DOCK8: variants seen among roughly 807,000 people sequenced by gnomAD.
The protein encoded by DOCK8 is dedicator of cytokinesis protein 8.
In DOCK8, 141 loss-of-function variants were observed where a neutral mutation model predicts 245.6. That is an observed-to-expected ratio of 0.57 (90% CI 0.50 to 0.66). DOCK8 has a LOEUF of 0.66. Among genes scored for constraint, DOCK8 ranks in the 30% least tolerant of loss-of-function variants. The pLI is 0.00. For missense variants in DOCK8, 2,965 were observed against 2,603.4 expected, an observed-to-expected ratio of 1.14 and a Z score of -3.02; for synonymous variants, 1,168 against 970.2, an observed-to-expected ratio of 1.20 and a Z score of -3.79.
intron 28 of DOCK8, among the ~76,000 whole-genome samples, chr9:407,312 A>G (rs529568351): frequency 6.6e-6 from 1 of 152,276 alleles, no homozygotes; most frequent in African/African-American, 2.4e-5. Context: ...TTGGTCAACT[A>G]TTTCAGTGGA....
intron 1 of DOCK8, among the ~76,000 whole-genome samples, chr9:236,245 G>A (rs1261250978): frequency 6.6e-6 from 1 of 152,108 alleles, no homozygotes. Context: ...ATTGGAGACA[G>A]GAAGAAGAAA....
chr9:301,024 G>T (rs972524418), intron 4 of DOCK8, among the ~76,000 whole-genome samples: 4 of 152,124 alleles, frequency 2.6e-5, no homozygotes, highest in African/African-American at 9.7e-5. Context: ...ACCAAAACCT[G>T]GGAGAGACAC....
rs1460892561 is a variant in DOCK8 at position 334,313 on chromosome 9, C to A, written c.1214C>A (p.Pro405His). 3.1e-6 allele frequency: 5 copies of A among 1,614,172 alleles called. No individual in the cohort carries two copies. Among genetic ancestry groups the A allele is most frequent in the South Asian group, 1.1e-5 (1 of 91,080 alleles). The change falls in exon 11 of 48, where the codon CCC becomes CAC. Residue 405 changes from proline (P) to histidine (H), a missense_variant. Around this residue, in one of 3 missense-constraint regions of DOCK8, gnomAD observed 2,825 missense variants for 2,453.5 expected, o/e 1.15. Transcript: ENST00000432829. ...TACCGGATGCCCTTTGCCTGGGCAC[C>A]CATAAGCTTATCAAGCTTCTTCAAT... ...GKYRMPFAWA[P>H]ISLSSFFNVS...
rs1421189061 is a variant in DOCK8, at chr9:439,358, C to A, written c.5193C>A (p.Leu1731=). 3 of 1,613,864 alleles carry A rather than the reference C, an allele frequency of 1.9e-6. No homozygotes were observed. In the African/African-American group the frequency reaches 4.0e-5, roughly 22 times the overall value. ...QYFTESGLVG[L]LEQAAELFST... ...TCACCGAGAGTGGCCTGGTAGGCCT[C>A]CTGGAGCAGGCCGCGGAGCTCTTCA... The change falls in exon 40 of 48, where the codon CTC becomes CTA. Residue 1731 remains leucine, a synonymous_variant. Coordinates refer to ENST00000432829, the MANE Select transcript of DOCK8 (RefSeq NM_203447.4).
At chr9:448,295 C>T (rs1027878862) in intron 44 of DOCK8, among the ~76,000 whole-genome samples, 3 of 152,116 alleles carry the variant, frequency 2.0e-5, no homozygotes, top group East Asian at 1.9e-4. Flanking sequence ...TTGTAAGAGA[C>T]AGGGGTCTTA....
Position 360,841 on chromosome 9 carries a change from C to T in DOCK8, c.1680-7177C>T, listed in dbSNP as rs146861699. On this transcript the variant is annotated intron_variant, in intron 14 of 47. Transcript: ENST00000432829. ...AATGGATTTTAGTCACTAAATGGAGCGGGAGGAATGGAGTGCTCCCTCAAA... is the reference window on the plus strand; with the variant it reads ...AATGGATTTTAGTCACTAAATGGAGTGGGAGGAATGGAGTGCTCCCTCAAA... 5.1e-3 allele frequency among the ~76,000 whole-genome samples: 781 copies of T among 152,080 alleles called. 11 individuals carry two copies. The highest frequency in any genetic ancestry group is 0.017 in the African/African-American group (697 of 41,470).
At chr9:277,786 A>G (rs926545803) in intron 2 of DOCK8, among the ~76,000 whole-genome samples, 3 of 152,216 alleles carry the variant, frequency 2.0e-5, no homozygotes, top group Non-Finnish European at 4.4e-5. Flanking sequence ...CATCCTGGAT[A>G]TGTACCAAAC....
At position 382,497 on chromosome 9, in the gene DOCK8, G is replaced by A; in HGVS notation, c.2606-16G>A. 5 of 1,613,272 alleles carry A rather than the reference G, an allele frequency of 3.1e-6. No homozygotes were observed. The highest frequency in any genetic ancestry group is 1.1e-5 in the South Asian group (1 of 91,042). ...TTCCCCTGTCTGTTGACATGTCTCTGCCTGGTGGGGTGCAGGCGCTCCCAC... is the reference window on the plus strand; with the variant it reads ...TTCCCCTGTCTGTTGACATGTCTCTACCTGGTGGGGTGCAGGCGCTCCCAC... On this transcript the variant is annotated splice_polypyrimidine_tract_variant and intron_variant, in intron 21 of 47. Coordinates refer to ENST00000432829, the MANE Select transcript of DOCK8 (RefSeq NM_203447.4).
At chr9:235,359 G>A (rs1176060115) in intron 1 of DOCK8, among the ~76,000 whole-genome samples, 1 of 152,208 alleles carries the variant, frequency 6.6e-6, no homozygotes. Flanking sequence ...CCCACTTGAG[G>A]AGGCAGTCTG....
chr9:426,025 A>C (rs2056486373), intron 33 of DOCK8, among the ~76,000 whole-genome samples: 4 of 152,290 alleles, frequency 2.6e-5, no homozygotes, highest in Admixed American at 2.0e-4. Flanking sequence ...ATGATACCCC[A>C]ACCCCATGGT....
At chr9:292,069 C>CAAAAA (rs139396600) in intron 4 of DOCK8, among the ~76,000 whole-genome samples, 1,326 of 52,470 alleles carry the variant, frequency 0.025, 126 homozygotes, top group African/African-American at 0.044. Flanking sequence ...GACCCTATCT[C>CAAAAA]AAAAAAAAAA....
chr9:239,804 A>T (rs373857348), intron 1 of DOCK8, among the ~76,000 whole-genome samples: 1 of 152,350 alleles, frequency 6.6e-6, no homozygotes, highest in Non-Finnish European at 1.5e-5. Context: ...TATATATTGT[A>T]TCATAACCTG....
Position 356,548 on chromosome 9 carries a change from A to C in DOCK8, c.1680-11470A>C, listed in dbSNP as rs191829853. 4.9e-3 allele frequency among the ~76,000 whole-genome samples: 742 copies of C among 151,188 alleles called. 5 individuals carry two copies. The highest frequency in any genetic ancestry group is 7.8e-3 in the Non-Finnish European group (529 of 67,862). On this transcript the variant is annotated intron_variant, in intron 14 of 47. Transcript: ENST00000432829. ...CTGTCTCAAAAAAAAAAAAAAAAGA[A>C]AAAATTTGGTTTGGGTCCCTTCCCA...
intron 1 of DOCK8, among the ~76,000 whole-genome samples, chr9:221,754 G>A (rs1403226696): frequency 6.6e-6 from 1 of 151,552 alleles, no homozygotes; most frequent in African/African-American, 2.4e-5. Flanking sequence ...CCTGGGAGGC[G>A]GAAGTTGCAG....
At chr9:280,996 G>A (rs990435410) in intron 2 of DOCK8, 5 of 152,340 alleles carry the variant, frequency 3.3e-5, no homozygotes, top group Non-Finnish European at 7.3e-5. Context: ...GCTCACGCCT[G>A]TAATCCCAAT....
chr9:217,093 A>G (rs2046773947), intron 1 of DOCK8, among the ~76,000 whole-genome samples: 1 of 152,196 alleles, frequency 6.6e-6, no homozygotes, highest in Non-Finnish European at 1.5e-5. Context: ...CTGGATGTGT[A>G]ACATACACAT....
chr9:214,400 T>G, upstream of DOCK8: 2 of 971,318 alleles, frequency 2.1e-6, no homozygotes, highest in Non-Finnish European at 3.1e-6. Flanking sequence ...ATGATGGGCA[T>G]ATTGCTTGCA....
intron 29 of DOCK8, among the ~76,000 whole-genome samples, chr9:417,443 GAATC>G (rs2056076994): frequency 6.6e-6 from 1 of 152,206 alleles, no homozygotes; most frequent in South Asian, 2.1e-4. Context: ...AAACATGAGT[GAATC>G]AATCAGTTGT....
At chr9:245,852 T>C (rs1396915311) in intron 1 of DOCK8, among the ~76,000 whole-genome samples, 1 of 152,170 alleles carries the variant, frequency 6.6e-6, no homozygotes, top group Non-Finnish European at 1.5e-5. Context: ...AACTTTAAAC[T>C]TGCTGGACAA....
Sources: gnomAD v4.1 joint callset for allele counts (sites outside exome capture counted in the v4.1 genomes callset) on GRCh38, gnomAD v4.1.1 for gene constraint, gnomAD v4.1.1 regional missense constraint, MANE v1.5 for transcripts, NCBI Gene and HGNC (gene_info 2026-07-23, HGNC 2026-07-21) for gene names.